ALG13: variants seen among roughly 807,000 people sequenced by gnomAD.
The protein encoded by ALG13 is ALG13 UDP-N-acetylglucosaminyltransferase subunit, also known as UDP-N-acetylglucosamine transferase subunit ALG13.
In ALG13, 11 loss-of-function variants were observed where a neutral mutation model predicts 87.8. That is an observed-to-expected ratio of 0.13 (90% CI 0.08 to 0.21). ALG13 has a LOEUF of 0.21. ALG13 is among the 10% of genes least tolerant of loss of function. ALG13 has a pLI of 1.00. For synonymous variants in ALG13, 320 were observed against 306.3 expected (o/e 1.04, Z -0.47); for missense variants, 756 against 866.1 (o/e 0.87, Z 1.60).
At chrX:111,701,046 A>G (rs1420646518) in intron 3 of ALG13, among the ~76,000 whole-genome samples, 1 of 111,157 alleles carries the variant, frequency 9.0e-6, no homozygotes, top group Non-Finnish European at 1.9e-5. Context: ...CCTTCCTTGC[A>G]GCCCCAGGAT....
At chrX:111,714,673 A>G (rs1021897214) in intron 8 of ALG13, among the ~76,000 whole-genome samples, 4 of 111,889 alleles carry the variant, frequency 3.6e-5, no homozygotes, top group African/African-American at 1.3e-4. Flanking sequence ...AGAATTTTAC[A>G]GTGAGCATCC....
intron 8 of ALG13, among the ~76,000 whole-genome samples, chrX:111,714,703 A>G (rs1940307247): frequency 8.9e-6 from 1 of 111,959 alleles, no homozygotes; most frequent in African/African-American, 3.2e-5. Flanking sequence ...CCCACCACCT[A>G]GAGTCTGCTG....
In ALG13 at chrX:111,730,700, ATT is replaced by A; in HGVS notation, c.2457+123_2457+124del. ...CCCTGTGAGGCTTAGTATCATTCTCATTTTGAAGATGAAATTGAGACAGAAAT... is the reference window on the plus strand; with the variant it reads ...CCCTGTGAGGCTTAGTATCATTCTCATTGAAGATGAAATTGAGACAGAAAT... On this transcript the variant is annotated intron_variant, in intron 21 of 26. Coordinates refer to ENST00000394780, the MANE Select transcript of ALG13 (RefSeq NM_001099922.3). 5.9e-6 allele frequency: 3 copies of A among 509,030 alleles called. No homozygotes were observed. In the East Asian group the frequency reaches 1.1e-4, roughly 19 times the overall value. 41.9% of individuals were successfully genotyped at this position (509,030 alleles called of 1,213,427 possible). A position where few individuals can be genotyped will look rare whatever the true frequency, so the allele number is the denominator to read the frequency against.
At chrX:111,720,014 G>T in intron 10 of ALG13, 81 bp from the exon 11 acceptor site, 1 of 592,726 alleles carries the variant, frequency 1.7e-6, no homozygotes, top group East Asian at 3.7e-5. Flanking sequence ...TTTACCACTA[G>T]GTGGTGGTGT....
rs1938912185 is a variant in ALG13 at position 111,707,134 on chromosome X, A to G, written c.384-893A>G. ...ATTGGGCCTGCCTTTGGCACTTAGTATTTTCTTTGGTTTTCTCAGAATCCA... is the reference window on the plus strand; with the variant it reads ...ATTGGGCCTGCCTTTGGCACTTAGTGTTTTCTTTGGTTTTCTCAGAATCCA... On this transcript the variant is annotated intron_variant, in intron 3 of 26. Transcript: ENST00000394780. 2.7e-5 allele frequency among the ~76,000 whole-genome samples: 3 copies of G among 111,338 alleles called. No homozygotes were observed. The South Asian group carries it at 1.1e-3, about 42-fold the overall frequency.
intron 5 of ALG13, among the ~76,000 whole-genome samples, chrX:111,710,693 G>A (rs180726984): frequency 9.0e-6 from 1 of 111,627 alleles, no homozygotes. Flanking sequence ...GCAGTTTATT[G>A]TATGTCATTT....
chrX:111,718,420 G>A, intron 10 of ALG13, 146 bp downstream of exon 10: 1 of 510,623 alleles, frequency 2.0e-6, no homozygotes. Context: ...TTTTAATGGG[G>A]GGAGAGTTTT....
chrX:111,710,759 C>G (rs1244889764), intron 5 of ALG13, among the ~76,000 whole-genome samples: 3 of 111,987 alleles, frequency 2.7e-5, no homozygotes, highest in Admixed American at 9.4e-5. Flanking sequence ...TGCAGTGGCA[C>G]GATCTCGGCT....
At chrX:111,702,395 C>T (rs780336019) in intron 3 of ALG13, among the ~76,000 whole-genome samples, 10 of 111,491 alleles carry the variant, frequency 9.0e-5, no homozygotes, top group African/African-American at 2.0e-4. Flanking sequence ...TGCTTAACTA[C>T]GGTATTATTC....
rs368555602 is a variant in ALG13, at chrX:111,721,731, A to G, written c.1435+20A>G. On this transcript the variant is annotated intron_variant, in intron 12 of 26. Coordinates refer to ENST00000394780, the MANE Select transcript of ALG13 (RefSeq NM_001099922.3). ...GAAAAGGTAAAGAAATATCAACAGG[A>G]TACTTTTGAATCCTGACAAATCCAG... 57 of 1,047,427 alleles carry G rather than the reference A, an allele frequency of 5.4e-5. No homozygotes were observed. The highest frequency in any genetic ancestry group is 2.6e-5 in the Non-Finnish European group (20 of 758,274). The allele number at this position is 1,047,427 out of a possible 1,213,427, so 86.3% of individuals were successfully genotyped here.
chrX:111,759,737 C>A lies in ALG13; in HGVS notation c.3152C>A (p.Thr1051Asn), dbSNP rs1449830103. Reference sequence around the variant, plus strand: ...CTGTATACATCCTTTCTTTCAGATACTTTTCCGAATGCTGATTCTTCATCT... The same window carrying A: ...CTGTATACATCCTTTCTTTCAGATAATTTTCCGAATGCTGATTCTTCATCT... ...GIQAEASANDTFPNADSSSVP... is the reference protein window; with the variant it reads ...GIQAEASANDNFPNADSSSVP... Residue 1051 changes from threonine (T) to asparagine (N), a missense_variant, in exon 27 of 27, where the codon ACT (threonine) becomes AAT (asparagine). Thr to Asn is a moderately conservative substitution (Grantham distance 65, BLOSUM62 0). Transcript: ENST00000394780. The A allele has an allele frequency of 8.3e-7, 1 of 1,201,253 alleles. No individual in the cohort carries two copies. Among genetic ancestry groups the A allele is most frequent in the South Asian group, 1.8e-5 (1 of 55,436 alleles).
chrX:111,681,859 C>T, intron 1 of ALG13: 1 of 897,219 alleles, frequency 1.1e-6, no homozygotes, highest in Non-Finnish European at 1.4e-6. Context: ...TGGGTTCCCC[C>T]CGAGTTTGCG....
Position 111,758,256 on chromosome X carries a change from A to T in ALG13, c.3148+494A>T, listed in dbSNP as rs191173842. ...CTAAATGAAGTATAATGATTAACTT[A>T]AGGAAAAAGACTTGTGCTATTAAGT... On this transcript the variant is annotated intron_variant, in intron 26 of 26. Transcript: ENST00000394780. 4.5e-5 allele frequency among the ~76,000 whole-genome samples: 5 copies of T among 112,228 alleles called. No homozygotes were observed. The East Asian group carries it at 1.4e-3, about 31-fold the overall frequency.
intron 23 of ALG13, among the ~76,000 whole-genome samples, chrX:111,740,113 A>C (rs1295770378): frequency 8.9e-6 from 1 of 111,743 alleles, no homozygotes; most frequent in Non-Finnish European, 1.9e-5. Context: ...TATACTATGT[A>C]ATAGCCTTAT....
At position 111,735,129 on chromosome X, in the gene ALG13, C is replaced by T. The variant is rs1307752089; in HGVS notation, c.2529+7C>T. 6 of 1,125,330 alleles carry T rather than the reference C, an allele frequency of 5.3e-6. No homozygotes were observed. Among genetic ancestry groups the T allele is most frequent in the Non-Finnish European group, 7.3e-6 (6 of 824,238 alleles). 92.7% of individuals were successfully genotyped at this position (1,125,330 alleles called of 1,213,427 possible). ...ATACAACTACCCCCAGAAGGTAATCCTCATAGTGTTATTAAGCAGTTACAA... is the reference window on the plus strand; with the variant it reads ...ATACAACTACCCCCAGAAGGTAATCTTCATAGTGTTATTAAGCAGTTACAA... On this transcript the variant is annotated splice_region_variant and intron_variant, in intron 22 of 26. Transcript: ENST00000394780.
At chrX:111,745,627 G>A (rs1944171413) in intron 24 of ALG13, among the ~76,000 whole-genome samples, 1 of 109,283 alleles carries the variant, frequency 9.2e-6, no homozygotes, top group South Asian at 3.9e-4. Context: ...CTTCTGTGTA[G>A]TTTATTCCTA....
chrX:111,691,339 G>T (rs1363263889), intron 3 of ALG13, among the ~76,000 whole-genome samples: 3 of 110,904 alleles, frequency 2.7e-5, no homozygotes, highest in Non-Finnish European at 3.8e-5. Context: ...GACCTCAGGT[G>T]ATCCTCCCAC....
intron 23 of ALG13, among the ~76,000 whole-genome samples, chrX:111,740,381 T>C (rs1172723041): frequency 9.0e-6 from 1 of 111,368 alleles, no homozygotes; most frequent in African/African-American, 3.3e-5. Context: ...TAAAAGCTTT[T>C]ATAGTCTTGA....
In ALG13 at chrX:111,757,687, G is replaced by A. The variant is rs1945393232; in HGVS notation, c.3073G>A (p.Val1025Ile). ...TCCAGTCTATACTGAGCCACCTCTG[G>A]TAGATCAAACCGTTCCTCAATGCTA... ...NYPVYTEPPL[V>I]DQTVPQCYSE... The change falls in exon 26 of 27, where the codon GTA (valine) becomes ATA (isoleucine). Residue 1025 changes from valine to isoleucine, a missense_variant. Transcript: ENST00000394780. 1.7e-6 allele frequency: 2 copies of A among 1,208,142 alleles called. No homozygotes were observed. The highest frequency in any genetic ancestry group is 2.2e-6 in the Non-Finnish European group (2 of 894,252).
Sources: allele counts gnomAD v4.1 joint callset (sites outside exome capture counted in the v4.1 genomes callset), GRCh38; gene constraint gnomAD v4.1.1; transcripts MANE v1.5; gene names NCBI Gene and HGNC (gene_info 2026-07-23, HGNC 2026-07-21).